CIB4: variants seen among roughly 807,000 people sequenced by gnomAD.
The protein encoded by CIB4 is calcium and integrin binding family member 4.
Under a neutral mutation model 25.8 loss-of-function variants are expected in CIB4, and 25 were observed. The ratio of observed to expected loss-of-function variants is 0.97; its 90% CI spans 0.71 to 1.35. The LOEUF (loss-of-function observed/expected upper bound fraction) is 1.35, where lower values mean the gene tolerates loss of function less well. Among genes scored for constraint, CIB4 ranks in the 40% most tolerant of loss-of-function variants. CIB4 has a pLI of 0.00. For missense variants in CIB4, 235 were observed against 228.2 expected, an observed-to-expected ratio of 1.03 and a Z score of -0.19; for synonymous variants, 75 against 81.4, an observed-to-expected ratio of 0.92 and a Z score of 0.42.
chr2:26,607,708 T>TCCATCAGCA (rs1470106278), intron 3 of CIB4, among the ~76,000 whole-genome samples: 1 of 152,202 alleles, frequency 6.6e-6, no homozygotes, highest in Admixed American at 6.5e-5. Flanking sequence ...TCACCTGTCC[T>TCCATCAGCA]CCATCAGCAC....
chr2:26,596,236 C>A (rs1161227197), intron 3 of CIB4, among the ~76,000 whole-genome samples: 5 of 152,008 alleles, frequency 3.3e-5, no homozygotes, highest in Non-Finnish European at 1.5e-5. Context: ...ATAAAAACAC[C>A]ATTGCTGGGG....
At chr2:26,633,388 G>T (rs542078080) in intron 2 of CIB4, among the ~76,000 whole-genome samples, 2 of 152,350 alleles carry the variant, frequency 1.3e-5, no homozygotes, top group African/African-American at 4.8e-5. Flanking sequence ...TGTATCTAAG[G>T]TTATACAGCT....
At chr2:26,616,747 C>T (rs1189016761) in intron 3 of CIB4, among the ~76,000 whole-genome samples, 6 of 152,254 alleles carry the variant, frequency 3.9e-5, no homozygotes. Context: ...CCTCCTACCA[C>T]ACACATGTAC....
intron 3 of CIB4, among the ~76,000 whole-genome samples, chr2:26,617,147 T>TGTGTGTGCGCGCGC (rs10665609): frequency 3.3e-5 from 5 of 150,412 alleles, no homozygotes; most frequent in Admixed American, 6.6e-5. Context: ...TGTGTGTGTG[T>TGTGTGTGCGCGCGC]GCACGTGAGC....
intron 3 of CIB4, among the ~76,000 whole-genome samples, chr2:26,612,120 G>A (rs1262773880): frequency 2.4e-5 from 2 of 81,850 alleles, no homozygotes; most frequent in Non-Finnish European, 4.9e-5. Context: ...GGGGTTGGAG[G>A]CAGGAGCTTT....
intron 3 of CIB4, 24 bp downstream of exon 3, chr2:26,629,385 GC>G: frequency 7.2e-7 from 1 of 1,389,764 alleles, no homozygotes; most frequent in Non-Finnish European, 1.0e-6. Context: ...TGCTGCCCTT[GC>G]CCCACCCACC....
intron 3 of CIB4, among the ~76,000 whole-genome samples, chr2:26,619,351 T>A (rs1669157470): frequency 6.6e-6 from 1 of 152,026 alleles, no homozygotes; most frequent in Non-Finnish European, 1.5e-5. Flanking sequence ...GACACCAGCC[T>A]CATGGAGCGC....
At chr2:26,607,193 C>A (rs1668906353) in intron 3 of CIB4, among the ~76,000 whole-genome samples, 1 of 152,182 alleles carries the variant, frequency 6.6e-6, no homozygotes, top group Admixed American at 6.5e-5. Context: ...GTGGAGCGAG[C>A]AGAGGCTCTG....
chr2:26,632,432 A>G (rs1321361027), intron 2 of CIB4, among the ~76,000 whole-genome samples: 1 of 152,138 alleles, frequency 6.6e-6, no homozygotes, highest in African/African-American at 2.4e-5. Flanking sequence ...AAGAAAAGCC[A>G]TCACTGCTGA....
chr2:26,584,692 G>A (rs1252527799), intron 4 of CIB4, among the ~76,000 whole-genome samples: 1 of 152,188 alleles, frequency 6.6e-6, no homozygotes, highest in Non-Finnish European at 1.5e-5. Context: ...AATGTGACAG[G>A]GAGCCTGCAG....
At chr2:26,636,956 C>T (rs1027619594) in intron 2 of CIB4, among the ~76,000 whole-genome samples, 1 of 152,066 alleles carries the variant, frequency 6.6e-6, no homozygotes, top group Non-Finnish European at 1.5e-5. Context: ...TGTGTGTAGG[C>T]CGTTTTTTAT....
chr2:26,610,801 G>T (rs1273053162), intron 3 of CIB4, among the ~76,000 whole-genome samples: 2 of 149,612 alleles, frequency 1.3e-5, no homozygotes, highest in Non-Finnish European at 3.0e-5. Flanking sequence ...TAAGTCCATT[G>T]TATAGATTAA....
chr2:26,629,556 C>CTG (rs1331747520), intron 2 of CIB4, 50 bp from the exon 3 acceptor site: 1 of 1,300,556 alleles, frequency 7.7e-7, no homozygotes, highest in Non-Finnish European at 1.1e-6. Context: ...GAGGCCAGCA[C>CTG]TGTGTGGCCG....
At chr2:26,606,277 C>T (rs556542272) in intron 3 of CIB4, among the ~76,000 whole-genome samples, 26 of 152,324 alleles carry the variant, frequency 1.7e-4, no homozygotes, top group African/African-American at 6.3e-4. Flanking sequence ...GGGGAAGTAT[C>T]TCAATCAAGC....
At chr2:26,614,386 C>A (rs1731239) in intron 3 of CIB4, among the ~76,000 whole-genome samples, 39 of 152,156 alleles carry the variant, frequency 2.6e-4, no homozygotes, top group African/African-American at 8.2e-4. Flanking sequence ...CCTCATCTGC[C>A]TGTCCCTTGG....
intron 4 of CIB4, 142 bp downstream of exon 4, chr2:26,595,034 T>C (rs753234871): frequency 4.0e-6 from 3 of 740,890 alleles, no homozygotes; most frequent in Non-Finnish European, 4.4e-6. Context: ...CCATGGTACA[T>C]GCAAAATATG....
chr2:26,622,793 G>A (rs1384177288), intron 3 of CIB4, among the ~76,000 whole-genome samples: 1 of 151,994 alleles, frequency 6.6e-6, no homozygotes, highest in Non-Finnish European at 1.5e-5. Context: ...GACCAACCTG[G>A]CCAACATGGA....
chr2:26,632,812 G>A (rs541630823), intron 2 of CIB4, among the ~76,000 whole-genome samples: 1 of 151,938 alleles, frequency 6.6e-6, no homozygotes, highest in Non-Finnish European at 1.5e-5. Context: ...GGAGTGGCCG[G>A]CTCCAGTCAA....
rs570854106 is a variant in CIB4 at position 26,633,583 on chromosome 2, G to A, written c.90-4077C>T. ...TGCCTTCCCAGGCTGCAGAGTGGGC[G>A]GGCTGCCCATAGATGAATCGTGGCT... On this transcript the variant is annotated intron_variant, in intron 2 of 6. Transcript: ENST00000288861. 3.3e-5 allele frequency among the ~76,000 whole-genome samples: 5 copies of A among 152,254 alleles called. No individual in the cohort carries two copies. The East Asian group carries it at 9.7e-4, about 29-fold the overall frequency.
Sources: gnomAD v4.1 joint callset for allele counts (sites outside exome capture counted in the v4.1 genomes callset) on GRCh38, gnomAD v4.1.1 for gene constraint, MANE v1.5 for transcripts, NCBI Gene and HGNC (gene_info 2026-07-23, HGNC 2026-07-21) for gene names.